SH2D3C: variants seen among roughly 807,000 people sequenced by gnomAD.
SH2D3C encodes the protein SH2 domain-containing protein 3C.
SH2D3C carries 25 observed loss-of-function variants against 75.2 expected under a neutral mutation model. That is an observed-to-expected ratio of 0.33 (90% CI 0.24 to 0.46). The LOEUF (loss-of-function observed/expected upper bound fraction) is 0.46, where lower values mean the gene tolerates loss of function less well. Among genes scored for constraint, SH2D3C ranks in the 20% least tolerant of loss-of-function variants. The probability of loss-of-function intolerance (pLI) is 1.00; values close to 1 mark genes in which losing one functional copy is unlikely to be tolerated. For missense variants in SH2D3C, 933 were observed against 1,165.3 expected (o/e 0.80, Z 2.90); for synonymous variants, 450 against 473.7 (o/e 0.95, Z 0.65).
intron 2 of SH2D3C, chr9:127,762,012 T>G (rs1845538490): frequency 3.4e-6 from 1 of 294,566 alleles, no homozygotes; most frequent in Non-Finnish European, 6.2e-6. Context: ...CCTCCCTGGT[T>G]TTCTTCTTCT....
At chr9:127,755,028 G>C in intron 3 of SH2D3C, 2 of 924,708 alleles carry the variant, frequency 2.2e-6, no homozygotes, top group Non-Finnish European at 2.7e-6. Flanking sequence ...GGGCGGAGCG[G>C]CCGGGGGTCC....
At chr9:127,740,434 T>C (rs1156372784) in intron 9 of SH2D3C, 65 bp from the exon 10 acceptor site, 10 of 1,140,318 alleles carry the variant, frequency 8.8e-6, no homozygotes, top group Non-Finnish European at 1.3e-5. Context: ...CCTGCTGCCC[T>C]GCTGAGTGGA....
chr9:127,751,350 C>G lies in SH2D3C; in HGVS notation c.556-50G>C. 6.3e-7 allele frequency: 1 copy of G among 1,586,170 alleles called. No individual in the cohort carries two copies. On this transcript the variant is annotated intron_variant, in intron 3 of 11. Coordinates refer to ENST00000314830, the MANE Select transcript of SH2D3C (RefSeq NM_170600.3). The surrounding 1 kb of genome is among the most constrained non-coding windows in gnomAD (Gnocchi z 4.1). The stretch of plus-strand genomic sequence containing the variant: ...GCATCCAACTTAAAGTCTCCTTCTT[C>G]TTTCCCTCCCAACTTCATTCTACCA...
Position 127,738,929 on chromosome 9 carries a change from G to C in SH2D3C, c.2408-8C>G. The C allele has an allele frequency of 6.4e-7, 1 of 1,563,740 alleles. No individual in the cohort carries two copies. The highest frequency in any genetic ancestry group is 8.7e-7 in the Non-Finnish European group (1 of 1,152,576). ...CCGGCCGGGCCTGGAACCCTGCAGT[G>C]TTGGGGCATAGGGTCAGGGCAGAGG... On this transcript the variant is annotated splice_region_variant and splice_polypyrimidine_tract_variant and intron_variant, in intron 11 of 11. Coordinates refer to ENST00000314830, the MANE Select transcript of SH2D3C (RefSeq NM_170600.3). This position sits in a 1 kb window ranked among gnomAD's most constrained non-coding sequence, Gnocchi z 5.0.
Position 127,755,405 on chromosome 9 carries a change from C to T in SH2D3C, c.556-4105G>A, listed in dbSNP as rs974908648. 1.7e-5 allele frequency: 5 copies of T among 300,558 alleles called. No homozygotes were observed. In the South Asian group the frequency reaches 6.3e-4, roughly 38 times the overall value. 18.6% of individuals were successfully genotyped at this position (300,558 alleles called of 1,614,324 possible). A position where few individuals can be genotyped will look rare whatever the true frequency, so the allele number is the denominator to read the frequency against. On this transcript the variant is annotated intron_variant, in intron 3 of 11. Coordinates refer to ENST00000314830, the MANE Select transcript of SH2D3C (RefSeq NM_170600.3). ...CCCCCGCTCCCAGCCCCTCGCCCCC[C>T]GCCCTCCAGTTCCGCGCGCTCGGGC...
Position 127,754,287 on chromosome 9 carries a change from G to C in SH2D3C, c.556-2987C>G, listed in dbSNP as rs1264251896. Among the ~76,000 whole-genome samples the C allele has an allele frequency of 1.3e-5, 2 of 152,110 alleles. No homozygotes were observed. Among genetic ancestry groups the C allele is most frequent in the Admixed American group, 6.5e-5 (1 of 15,280 alleles). On this transcript the variant is annotated intron_variant, in intron 3 of 11. Transcript: ENST00000314830. This position sits in a 1 kb window ranked among gnomAD's most constrained non-coding sequence, Gnocchi z 4.4. ...GGCTCCGCGAGCGTGTGTGAGCCTGGGGGAGCGAAGAGCCGACGCGCCTGG... is the reference window on the plus strand; with the variant it reads ...GGCTCCGCGAGCGTGTGTGAGCCTGCGGGAGCGAAGAGCCGACGCGCCTGG...
At position 127,751,268 on chromosome 9, in the gene SH2D3C, C is replaced by G. The variant is rs369067301; in HGVS notation, c.588G>C (p.Ser196=). 1.9e-6 allele frequency: 3 copies of G among 1,613,832 alleles called. No individual in the cohort carries two copies. The highest frequency in any genetic ancestry group is 2.5e-6 in the Non-Finnish European group (3 of 1,179,716). Residue 196 remains serine, a synonymous_variant, in exon 4 of 12, where the codon TCG becomes TCC. Transcript: ENST00000314830. This position sits in a 1 kb window ranked among gnomAD's most constrained non-coding sequence, Gnocchi z 4.1. Reference sequence around the variant, plus strand: ...CCAATTCCTTGTGGAGTTTCTCTGGCGATGAGTCCAGGATGTACTTCTCCT... The same window carrying G: ...CCAATTCCTTGTGGAGTTTCTCTGGGGATGAGTCCAGGATGTACTTCTCCT... ...FSKEKYILDS[S]PEKLHKELEE...
At position 127,765,070 on chromosome 9, in the gene SH2D3C, G is replaced by A. The variant is rs118071802; in HGVS notation, c.516-3420C>T. 9.9e-3 allele frequency among the ~76,000 whole-genome samples: 1,509 copies of A among 152,020 alleles called. 9 individuals are homozygous for A. Among genetic ancestry groups the A allele is most frequent in the South Asian group, 0.02 (95 of 4,816 alleles). On this transcript the variant is annotated intron_variant, in intron 2 of 11. Coordinates refer to ENST00000314830, the MANE Select transcript of SH2D3C (RefSeq NM_170600.3). ...CTGTCATCTAGGCTGGGATGCAGTG[G>A]TGAGATCATGGCCACCATAGCCTCG...
At chr9:127,746,425 G>A (rs1845032216) in intron 6 of SH2D3C, among the ~76,000 whole-genome samples, 1 of 152,100 alleles carries the variant, frequency 6.6e-6, no homozygotes, top group African/African-American at 2.4e-5. Context: ...AACTTTCTTC[G>A]TATTTATAAG....
At chr9:127,765,111 C>T (rs1034215552) in intron 2 of SH2D3C, among the ~76,000 whole-genome samples, 7 of 151,946 alleles carry the variant, frequency 4.6e-5, no homozygotes, top group South Asian at 2.1e-4. Context: ...CTGGCTGGAG[C>T]GATCCTCCCG....
At chr9:127,742,011 G>GTGCGGGCCTGGGGCGC in intron 8 of SH2D3C, 52 bp from the exon 9 acceptor site, 1 of 1,529,900 alleles carries the variant, frequency 6.5e-7, no homozygotes, top group Non-Finnish European at 8.8e-7. Flanking sequence ...GGGGTGAGGG[G>GTGCGGGCCTGGGGCGC]TGCGGGCCTG....
At chr9:127,759,075 CCT>C (rs1487277823) in intron 3 of SH2D3C, among the ~76,000 whole-genome samples, 4 of 152,342 alleles carry the variant, frequency 2.6e-5, no homozygotes, top group East Asian at 3.9e-4. Flanking sequence ...TGGAGGCACC[CCT>C]GTTACCATTT....
rs765447172 is a variant in SH2D3C, at chr9:127,742,838, C to T, written c.1916+11G>A. The T allele has an allele frequency of 1.3e-5, 21 of 1,603,528 alleles. No homozygotes were observed. Among genetic ancestry groups the T allele is most frequent in the Non-Finnish European group, 1.7e-5 (20 of 1,173,318 alleles). On this transcript the variant is annotated intron_variant, in intron 8 of 11. Transcript: ENST00000314830. ...TTCCCCGCGAGTCCCCGGGTGCCGG[C>T]GCTGTCTCACCTTTCCAGCAGGTCT... is the stretch of plus-strand genomic sequence containing the variant.
intron 2 of SH2D3C, among the ~76,000 whole-genome samples, chr9:127,770,297 G>T (rs966799774): frequency 7.2e-5 from 11 of 152,138 alleles, no homozygotes; most frequent in African/African-American, 2.7e-4. Context: ...TCCCCGGGGT[G>T]GGGGAGGGAC....
intron 4 of SH2D3C, among the ~76,000 whole-genome samples, chr9:127,750,691 C>T (rs1845176967): frequency 3.3e-5 from 5 of 152,152 alleles, no homozygotes; most frequent in Admixed American, 3.3e-4. Context: ...TGGTGTTTGG[C>T]AAAGATCATA....
chr9:127,770,415 A>T (rs1381046021), intron 2 of SH2D3C, among the ~76,000 whole-genome samples: 2 of 152,132 alleles, frequency 1.3e-5, no homozygotes, highest in Non-Finnish European at 2.9e-5. Context: ...AACTGAATGG[A>T]TCCTCAGAGA....
At chr9:127,758,992 C>T (rs1217819001) in intron 3 of SH2D3C, among the ~76,000 whole-genome samples, 1 of 152,188 alleles carries the variant, frequency 6.6e-6, no homozygotes, top group Non-Finnish European at 1.5e-5. Context: ...GGAGCTAGGC[C>T]AGCCCGCCCT....
chr9:127,759,999 T>A (rs1259206175), intron 3 of SH2D3C, among the ~76,000 whole-genome samples: 1 of 150,236 alleles, frequency 6.7e-6, no homozygotes, highest in East Asian at 1.9e-4. Context: ...AAAAAAAAAT[T>A]TTTTTTTTTT....
In SH2D3C at chr9:127,739,914, T is replaced by C. The variant is rs2131730421; in HGVS notation, c.2201-26A>G. The C allele has an allele frequency of 6.7e-7, 1 of 1,493,464 alleles. No homozygotes were observed. Among genetic ancestry groups the C allele is most frequent in the Non-Finnish European group, 9.0e-7 (1 of 1,113,400 alleles). 92.5% of individuals were successfully genotyped at this position (1,493,464 alleles called of 1,614,324 possible). A position where few individuals can be genotyped will look rare whatever the true frequency, so the allele number is the denominator to read the frequency against. On this transcript the variant is annotated intron_variant, in intron 10 of 11. Transcript: ENST00000314830. The surrounding 1 kb of genome is among the most constrained non-coding windows in gnomAD (Gnocchi z 4.3). ...CTGCAAGGAGAAAGGCAGCAGGCGC[T>C]TAAAGATCCTGTAGTGCCCCACCAT...
Sources: allele counts gnomAD v4.1 joint callset (sites outside exome capture counted in the v4.1 genomes callset), GRCh38; gene constraint gnomAD v4.1.1; non-coding constraint Gnocchi (gnomAD v3.1); transcripts MANE v1.5; gene names NCBI Gene and HGNC (gene_info 2026-07-23, HGNC 2026-07-21).